Variants in NFXL1 observed in about 807,000 individuals in gnomAD.
The protein encoded by NFXL1 is NF-X1-type zinc finger protein NFXL1.
Under a neutral mutation model 123.3 loss-of-function variants are expected in NFXL1, and 66 were observed. The ratio of observed to expected loss-of-function variants is 0.54; its 90% CI spans 0.44 to 0.66. The LOEUF is 0.66. NFXL1 is among the 30% of genes least tolerant of loss of function. The pLI, the probability that NFXL1 is intolerant of heterozygous loss-of-function variation, is 0.00. For missense variants in NFXL1, 944 were observed against 1,125.6 expected (o/e 0.84, Z 2.31); for synonymous variants, 346 against 360.8 (o/e 0.96, Z 0.46).
intron 17 of NFXL1, among the ~76,000 whole-genome samples, chr4:47,876,587 T>C (rs1005582487): frequency 5.9e-5 from 9 of 152,134 alleles, no homozygotes; most frequent in Non-Finnish European, 7.4e-5. Flanking sequence ...TTACAGGCCA[T>C]TGAAAAGGAT....
chr4:47,877,868 T>C (rs1377546795), intron 17 of NFXL1, among the ~76,000 whole-genome samples: 2 of 152,034 alleles, frequency 1.3e-5, no homozygotes, highest in East Asian at 3.8e-4. Context: ...ATTTAGACAC[T>C]AGTATTACAA....
intron 17 of NFXL1, chr4:47,877,217 A>G: frequency 6.6e-6 from 3 of 455,972 alleles, no homozygotes; most frequent in Non-Finnish European, 8.8e-6. Context: ...TATACTTAGA[A>G]TATGAGCTCC....
At position 47,855,072 on chromosome 4, in the gene NFXL1, T is replaced by C; in HGVS notation, c.2408A>G (p.Lys803Arg). ...NQKVKLRCPC[K>R]RIKKELQCNK... Reference sequence around the variant, plus strand: ...TAAAATATTTACCTTTTTTATTCTTTTACAAGGACATCTAAGTTTTACCTT... The same window carrying C: ...TAAAATATTTACCTTTTTTATTCTTCTACAAGGACATCTAAGTTTTACCTT... The change falls in exon 20 of 23, where the codon AAA becomes AGA. Residue 803 changes from lysine (K) to arginine (R), a missense_variant. Coordinates refer to ENST00000507489, the MANE Select transcript of NFXL1 (RefSeq NM_001278624.2). The C allele has an allele frequency of 2.4e-5, 35 of 1,458,610 alleles. No individual in the cohort carries two copies. The highest frequency in any genetic ancestry group is 3.3e-5 in the Non-Finnish European group (35 of 1,053,090). 90.4% of individuals were successfully genotyped at this position (1,458,610 alleles called of 1,614,324 possible). A position where few individuals can be genotyped will look rare whatever the true frequency, so the allele number is the denominator to read the frequency against.
intron 2 of NFXL1, 64 bp downstream of exon 2, chr4:47,913,905 G>A (rs919217748): frequency 8.4e-5 from 94 of 1,114,056 alleles, no homozygotes; most frequent in Middle Eastern, 5.8e-4. Flanking sequence ...GGGCGGAGGC[G>A]GTCCTGACTA....
At chr4:47,868,625 T>C (rs2033893) in intron 18 of NFXL1, among the ~76,000 whole-genome samples, 52,844 of 149,192 alleles carry the variant, frequency 0.35, 9,651 homozygotes, top group East Asian at 0.59. Flanking sequence ...TAGGAGAAAA[T>C]TGTAAGAGCA....
At chr4:47,884,320 T>G in intron 15 of NFXL1, 26 bp downstream of exon 15, 1 of 1,398,182 alleles carries the variant, frequency 7.2e-7, no homozygotes, top group South Asian at 1.2e-5. Flanking sequence ...TTGTTTTTTT[T>G]TTTTAATTGA....
At chr4:47,908,817 T>C (rs913445412) in intron 3 of NFXL1, among the ~76,000 whole-genome samples, 3 of 151,732 alleles carry the variant, frequency 2.0e-5, no homozygotes, top group Non-Finnish European at 4.4e-5. Context: ...TACCCGGGCA[T>C]GGTGGCGGGC....
At chr4:47,904,796 T>C (rs961512987) in intron 4 of NFXL1, among the ~76,000 whole-genome samples, 10 of 152,242 alleles carry the variant, frequency 6.6e-5, no homozygotes, top group African/African-American at 2.4e-4. Context: ...CTCTCCCGAC[T>C]GACCCTCACC....
chr4:47,899,008 T>C lies in NFXL1; in HGVS notation c.939A>G (p.Gly313=), dbSNP rs148262507. The stretch of plus-strand genomic sequence containing the variant: ...TATGTTGCCCACAAAGCAACTTCTG[T>C]CCACATGGCAGCTGACAAGACCATT... The part of the protein sequence containing the change: ...AKEWSCQLPC[G]QKLLCGQHKC... Residue 313 remains glycine, a synonymous_variant, in exon 7 of 23, where the codon GGA becomes GGG. Coordinates refer to ENST00000507489, the MANE Select transcript of NFXL1 (RefSeq NM_001278624.2). 3.1e-6 allele frequency: 5 copies of C among 1,613,946 alleles called. No individual in the cohort carries two copies. The Admixed American group carries it at 5.0e-5, about 16-fold the overall frequency.
intron 9 of NFXL1, among the ~76,000 whole-genome samples, chr4:47,897,731 T>C (rs1311021643): frequency 6.6e-6 from 1 of 152,184 alleles, no homozygotes; most frequent in Non-Finnish European, 1.5e-5. Context: ...GAAAATCTTC[T>C]ATGTCTCTCC....
Position 47,851,932 on chromosome 4 carries a change from C to T in NFXL1, c.2432G>A (p.Cys811Tyr). 1.9e-6 allele frequency: 3 copies of T among 1,606,754 alleles called. No homozygotes were observed. The highest frequency in any genetic ancestry group is 2.6e-6 in the Non-Finnish European group (3 of 1,173,976). The change falls in exon 21 of 23, where the codon TGC becomes TAC. Residue 811 changes from cysteine (C) to tyrosine (Y), a missense_variant. By Grantham distance (194) the Cys-to-Tyr change is radical. Coordinates refer to ENST00000507489, the MANE Select transcript of NFXL1 (RefSeq NM_001278624.2). ...PCKRIKKELQ[C>Y]NKVRENQVSI... ...AACCTGATTTTCACGTACTTTGTTG[C>T]ACTGCAATTCCTACAAACAACCCGA...
rs1427393236 is a variant in NFXL1 at position 47,885,486 on chromosome 4, T to G, written c.1824+12A>C. 7 of 1,601,354 alleles carry G rather than the reference T, an allele frequency of 4.4e-6. No individual in the cohort carries two copies. In the South Asian group the frequency reaches 7.8e-5, roughly 18 times the overall value. ...GCAATGCACTATTTCTCTAATAGTA[T>G]TATTCCCTTACCCTGCCAGTCTGCT... On this transcript the variant is annotated intron_variant, in intron 14 of 22. Transcript: ENST00000507489.
At chr4:47,877,955 G>T (rs1735853493) in intron 17 of NFXL1, among the ~76,000 whole-genome samples, 1 of 151,852 alleles carries the variant, frequency 6.6e-6, no homozygotes, top group South Asian at 2.1e-4. Context: ...GTTTTTCCTT[G>T]TAAGATGACA....
At chr4:47,868,879 T>C (rs952704964) in intron 18 of NFXL1, among the ~76,000 whole-genome samples, 1 of 152,170 alleles carries the variant, frequency 6.6e-6, no homozygotes, top group Non-Finnish European at 1.5e-5. Flanking sequence ...TATAACAGCT[T>C]AATCATCTTT....
chr4:47,852,027 C>A, intron 20 of NFXL1, 85 bp from the exon 21 acceptor site: 1 of 801,736 alleles, frequency 1.2e-6, no homozygotes, highest in Admixed American at 1.9e-5. Context: ...CATCTGATAG[C>A]TTAAGGTTAT....
intron 20 of NFXL1, among the ~76,000 whole-genome samples, chr4:47,854,719 C>T (rs953760496): frequency 9.2e-5 from 14 of 151,942 alleles, no homozygotes; most frequent in Non-Finnish European, 1.9e-4. Context: ...ACATTCTACC[C>T]GTTACATTGT....
At chr4:47,901,626 A>G (rs563743638) in intron 5 of NFXL1, among the ~76,000 whole-genome samples, 20 of 152,316 alleles carry the variant, frequency 1.3e-4, no homozygotes, top group African/African-American at 4.8e-4. Flanking sequence ...TATTCAATGA[A>G]AAGAAAAATA....
Position 47,913,964 on chromosome 4 carries a change from C to T in NFXL1, c.235+5G>A. 1 of 1,540,704 alleles carries T rather than the reference C, an allele frequency of 6.5e-7. No homozygotes were observed. The highest frequency in any genetic ancestry group is 8.8e-7 in the Non-Finnish European group (1 of 1,141,590). ...GGTGAGCACGCGGGCGGGAGCCATT[C>T]TCACCGCTGGCTGCGGTAGTCTGCA... is the stretch of plus-strand genomic sequence containing the variant. On this transcript the variant is annotated splice_donor_5th_base_variant and intron_variant, in intron 2 of 22. Transcript: ENST00000507489.
intron 18 of NFXL1, among the ~76,000 whole-genome samples, chr4:47,870,787 G>A (rs938597672): frequency 6.6e-6 from 1 of 151,920 alleles, no homozygotes; most frequent in African/African-American, 2.4e-5. Context: ...CCTGGGCTAG[G>A]ATATGTAAAG....
Sources: gnomAD v4.1 joint callset for allele counts (sites outside exome capture counted in the v4.1 genomes callset) on GRCh38, gnomAD v4.1.1 for gene constraint, MANE v1.5 for transcripts, NCBI Gene and HGNC (gene_info 2026-07-23, HGNC 2026-07-21) for gene names.